VGLL4: variants seen among roughly 807,000 people sequenced by gnomAD.
The protein encoded by VGLL4 is vestigial like family member 4, also known as transcription cofactor vestigial-like protein 4.
A neutral mutation model predicts 21.0 loss-of-function variants in VGLL4; 7 were observed. That is an observed-to-expected ratio of 0.33 (90% CI 0.19 to 0.63). The LOEUF (loss-of-function observed/expected upper bound fraction) is 0.63. Among genes scored for constraint, VGLL4 ranks in the 20% least tolerant of loss-of-function variants. VGLL4 has a pLI of 0.78. For missense variants in VGLL4, 394 were observed against 425.7 expected (o/e 0.93, Z 0.66); for synonymous variants, 222 against 173.2 (o/e 1.28, Z -2.21).
chr3:11,690,626 TA>T (rs1415337762), intron 2 of VGLL4, among the ~76,000 whole-genome samples: 10 of 152,028 alleles, frequency 6.6e-5, no homozygotes, highest in African/African-American at 1.9e-4. Context: ...AAAAGACGTT[TA>T]AGCAACATTT....
At chr3:11,577,660 T>C (rs2074094792) in intron 2 of VGLL4, among the ~76,000 whole-genome samples, 1 of 152,114 alleles carries the variant, frequency 6.6e-6, no homozygotes, top group Non-Finnish European at 1.5e-5. Context: ...CACACTAAAA[T>C]GGTTTTAACA....
chr3:11,627,960 G>A (rs543797552), intron 1 of VGLL4, among the ~76,000 whole-genome samples: 4 of 152,324 alleles, frequency 2.6e-5, no homozygotes, highest in Admixed American at 6.5e-5. Flanking sequence ...GATTACTATG[G>A]TTAACAGTAA....
At chr3:11,629,746 C>CAAAAAAAA (rs10609918) in intron 1 of VGLL4, among the ~76,000 whole-genome samples, 1 of 85,366 alleles carries the variant, frequency 1.2e-5, no homozygotes. Flanking sequence ...AGACGGGTCT[C>CAAAAAAAA]AAAAAAAAAA....
chr3:11,658,870 A>G (rs1158857719), intron 2 of VGLL4, among the ~76,000 whole-genome samples: 1 of 152,214 alleles, frequency 6.6e-6, no homozygotes, highest in Admixed American at 6.5e-5. Flanking sequence ...TAGACAAAGT[A>G]CAGCATCTAG....
intron 2 of VGLL4, among the ~76,000 whole-genome samples, chr3:11,659,186 A>G (rs1458960647): frequency 1.3e-5 from 2 of 152,134 alleles, no homozygotes; most frequent in African/African-American, 4.8e-5. Flanking sequence ...GGATCCAAAG[A>G]TGAGTAAGAC....
intron 2 of VGLL4, among the ~76,000 whole-genome samples, chr3:11,700,107 C>T (rs1250695503): frequency 6.6e-6 from 1 of 152,154 alleles, no homozygotes; most frequent in Non-Finnish European, 1.5e-5. Flanking sequence ...TCATGAGTCC[C>T]ATGAAGGCAG....
intron 2 of VGLL4, among the ~76,000 whole-genome samples, chr3:11,692,433 A>T (rs2076539574): frequency 6.6e-6 from 1 of 152,222 alleles, no homozygotes; most frequent in Non-Finnish European, 1.5e-5. Flanking sequence ...AAGCCTTTTG[A>T]ATTAGAATAG....
intron 1 of VGLL4, among the ~76,000 whole-genome samples, chr3:11,636,477 A>T (rs1386913550): frequency 2.0e-5 from 3 of 152,228 alleles, no homozygotes; most frequent in Non-Finnish European, 4.4e-5. Flanking sequence ...GCTCTCTAAC[A>T]GCCATCTCTA....
intron 2 of VGLL4, 26 bp downstream of exon 2, chr3:11,601,807 G>A (rs1483017394): frequency 1.2e-6 from 2 of 1,612,480 alleles, no homozygotes; most frequent in South Asian, 2.2e-5. Context: ...GCACCCTTAA[G>A]CCAAAATAAG....
chr3:11,620,148 T>C (rs1484550228), intron 1 of VGLL4, among the ~76,000 whole-genome samples: 3 of 152,210 alleles, frequency 2.0e-5, no homozygotes, highest in Non-Finnish European at 4.4e-5. Flanking sequence ...ACCTGTGAAG[T>C]AGGCACTATC....
intron 1 of VGLL4, among the ~76,000 whole-genome samples, chr3:11,704,649 A>G (rs1386508061): frequency 6.6e-6 from 1 of 152,068 alleles, no homozygotes; most frequent in African/African-American, 2.4e-5. Context: ...ACGTTTTTCT[A>G]TGGTAAATAA....
intron 2 of VGLL4, among the ~76,000 whole-genome samples, chr3:11,577,960 G>A (rs1421899517): frequency 1.3e-5 from 2 of 152,146 alleles, no homozygotes; most frequent in East Asian, 3.8e-4. Flanking sequence ...CACCCACAGG[G>A]CACATGCCAC....
intron 2 of VGLL4, among the ~76,000 whole-genome samples, chr3:11,658,063 A>T (rs955930577): frequency 1.3e-5 from 2 of 151,934 alleles, no homozygotes; most frequent in African/African-American, 4.8e-5. Context: ...TCTCCGGAGC[A>T]GCTGATACTA....
chr3:11,652,794 C>T (rs1486567271), intron 2 of VGLL4, among the ~76,000 whole-genome samples: 4 of 152,136 alleles, frequency 2.6e-5, no homozygotes, highest in Non-Finnish European at 5.9e-5. Context: ...AAATCTCTTG[C>T]AAAACACTTT....
At position 11,558,438 on chromosome 3, in the gene VGLL4, A is replaced by C; in HGVS notation, c.*118T>G. 1.4e-6 allele frequency: 2 copies of C among 1,406,038 alleles called. No homozygotes were observed. The highest frequency in any genetic ancestry group is 9.4e-7 in the Non-Finnish European group (1 of 1,066,480). 87.1% of individuals were successfully genotyped at this position (1,406,038 alleles called of 1,614,324 possible). A position where few individuals can be genotyped will look rare whatever the true frequency, so the allele number is the denominator to read the frequency against. On this transcript the variant is annotated 3_prime_UTR_variant, in exon 5 of 5. Coordinates refer to ENST00000430365, the MANE Select transcript of VGLL4 (RefSeq NM_001128219.3). ...TCCCAACAACATGGTTTTTGCAAAT[A>C]AACCATCCCTTCCCTTCCCCCCACC...
chr3:11,654,267 G>C (rs574798015), intron 2 of VGLL4, among the ~76,000 whole-genome samples: 7 of 152,172 alleles, frequency 4.6e-5, no homozygotes, highest in African/African-American at 1.7e-4. Context: ...TAGAGTTGAG[G>C]GGATAGAAAG....
At chr3:11,606,648 A>G (rs551417712) in intron 1 of VGLL4, among the ~76,000 whole-genome samples, 4 of 152,284 alleles carry the variant, frequency 2.6e-5, no homozygotes, top group African/African-American at 9.6e-5. Flanking sequence ...GAAGTTTGTA[A>G]AATGTGCCAA....
At chr3:11,670,220 G>A (rs2076185810) in intron 2 of VGLL4, among the ~76,000 whole-genome samples, 1 of 151,854 alleles carries the variant, frequency 6.6e-6, no homozygotes. Context: ...GGCACTTGAG[G>A]CACCTCCAGT....
intron 2 of VGLL4, among the ~76,000 whole-genome samples, chr3:11,583,037 C>G (rs1030236800): frequency 6.6e-6 from 1 of 152,152 alleles, no homozygotes; most frequent in Non-Finnish European, 1.5e-5. Flanking sequence ...ATGTCTTAGC[C>G]ATACGCCAGC....
Sources: allele counts gnomAD v4.1 joint callset (sites outside exome capture counted in the v4.1 genomes callset), GRCh38; gene constraint gnomAD v4.1.1; transcripts MANE v1.5; gene names NCBI Gene and HGNC (gene_info 2026-07-23, HGNC 2026-07-21).